Variants in DROSHA observed in about 807,000 individuals in gnomAD.
The protein encoded by DROSHA is ribonuclease 3.
In DROSHA, 56 loss-of-function variants were observed where a neutral mutation model predicts 181.9. The observed-to-expected ratio is 0.31, with a 90% CI of 0.25 to 0.38. The LOEUF (loss-of-function observed/expected upper bound fraction) is 0.38, where lower values mean the gene tolerates loss of function less well. DROSHA is among the 10% of genes least tolerant of loss of function. The pLI is 1.00. For missense variants in DROSHA, 1,218 were observed against 1,743.5 expected (o/e 0.70, Z 5.37); for synonymous variants, 524 against 591.2 (o/e 0.89, Z 1.65).
chr5:31,528,185 G>A (rs188594081), intron 4 of DROSHA, among the ~76,000 whole-genome samples: 64 of 152,214 alleles, frequency 4.2e-4, no homozygotes, highest in Admixed American at 1.2e-3. Context: ...CTTCCAAAGT[G>A]ATGCTACTCA....
At chr5:31,414,139 G>A (rs111340746) in intron 30 of DROSHA, among the ~76,000 whole-genome samples, 58 of 152,266 alleles carry the variant, frequency 3.8e-4, no homozygotes, top group African/African-American at 1.4e-3. Context: ...CAGGTGATGT[G>A]AAGAAGACTG....
At chr5:31,443,573 T>C (rs1472487082) in intron 23 of DROSHA, among the ~76,000 whole-genome samples, 1 of 152,172 alleles carries the variant, frequency 6.6e-6, no homozygotes, top group Non-Finnish European at 1.5e-5. Flanking sequence ...ATTTAGGTGG[T>C]TAAACAGTGA....
chr5:31,451,045 T>C (rs929141825), intron 21 of DROSHA, among the ~76,000 whole-genome samples: 2 of 152,024 alleles, frequency 1.3e-5, no homozygotes, highest in African/African-American at 4.8e-5. Flanking sequence ...CTACTAAAAA[T>C]ACCAAAATTA....
intron 18 of DROSHA, 51 bp downstream of exon 18, chr5:31,467,888 C>T: frequency 1.3e-6 from 2 of 1,589,824 alleles, no homozygotes; most frequent in Non-Finnish European, 1.7e-6. Context: ...GCTAATTTGG[C>T]TGTTAGTAGA....
chr5:31,524,840 G>C lies in DROSHA; in HGVS notation c.854+1239C>G, dbSNP rs1256125995. The stretch of plus-strand genomic sequence containing the variant: ...AAGAAATGTAATATAGAATGAAACA[G>C]TATTTTTAAAATACAACTTTCTTCA... On this transcript the variant is annotated intron_variant, in intron 5 of 35. Coordinates refer to ENST00000344624, the MANE Select transcript of DROSHA (RefSeq NM_001382508.1). Among the ~76,000 whole-genome samples the C allele has an allele frequency of 2.0e-5, 3 of 152,246 alleles. No homozygotes were observed. The East Asian group carries it at 5.8e-4, about 29-fold the overall frequency.
At chr5:31,471,439 GTTTTC>G (rs1378154026) in intron 17 of DROSHA, among the ~76,000 whole-genome samples, 2 of 151,796 alleles carry the variant, frequency 1.3e-5, no homozygotes, top group Admixed American at 6.6e-5. Flanking sequence ...ATAAGAACTA[GTTTTC>G]TTTTAATTAT....
At chr5:31,408,786 G>T in intron 33 of DROSHA, 1 of 323,726 alleles carries the variant, frequency 3.1e-6, no homozygotes, top group Non-Finnish European at 5.7e-6. Context: ...CATAATCTTA[G>T]TTGGTCTCCC....
At chr5:31,435,264 G>C (rs780425973) in intron 25 of DROSHA, among the ~76,000 whole-genome samples, 1 of 152,176 alleles carries the variant, frequency 6.6e-6, no homozygotes, top group Non-Finnish European at 1.5e-5. Context: ...GAGGCTAGGG[G>C]AACAGCCTAA....
intron 16 of DROSHA, among the ~76,000 whole-genome samples, chr5:31,472,830 T>G (rs1276049166): frequency 6.6e-6 from 1 of 152,178 alleles, no homozygotes; most frequent in Non-Finnish European, 1.5e-5. Flanking sequence ...AAAAACCAAG[T>G]GCTCTGAGGC....
intron 31 of DROSHA, among the ~76,000 whole-genome samples, chr5:31,410,076 A>G (rs922843110): frequency 1.4e-4 from 21 of 152,228 alleles, no homozygotes; most frequent in South Asian, 8.3e-4. Context: ...TTCCTTAGTC[A>G]GAATGCCTTT....
rs185838420 is a variant in DROSHA, at chr5:31,508,947, C to A, written c.1433-172G>T. ...AAGTGATTCTCCTGCCTTAGCCTCC[C>A]GAGTAGCTGGGATTACAGGCGCCTG... is the stretch of plus-strand genomic sequence containing the variant. On this transcript the variant is annotated intron_variant, in intron 9 of 35. Coordinates refer to ENST00000344624, the MANE Select transcript of DROSHA (RefSeq NM_001382508.1). 8.4e-3 allele frequency among the ~76,000 whole-genome samples: 1,278 copies of A among 152,092 alleles called. 10 individuals carry two copies. The highest frequency in any genetic ancestry group is 0.029 in the African/African-American group (1,187 of 41,472).
chr5:31,424,274 C>G lies in DROSHA; in HGVS notation c.3261+153G>C, dbSNP rs1358523524. ...TGCATGGGTTCATTCTCCTATTGTT[C>G]CAAAGTTTTCCAGGTCTGACACCTC... On this transcript the variant is annotated intron_variant, in intron 28 of 35. Transcript: ENST00000344624. Among the ~76,000 whole-genome samples the G allele has an allele frequency of 2.6e-5, 4 of 152,048 alleles. No individual in the cohort carries two copies. In the East Asian group the frequency reaches 7.7e-4, roughly 29 times the overall value.
chr5:31,511,912 C>G lies in DROSHA; in HGVS notation c.1291-736G>C, dbSNP rs555837453. ...AAGAAATATCCTATATATCCCCTCT[C>G]TCTCTCTCTCACACACACGCACACA... On this transcript the variant is annotated intron_variant, in intron 8 of 35. Transcript: ENST00000344624. 1.2e-4 allele frequency among the ~76,000 whole-genome samples: 18 copies of G among 148,674 alleles called. No homozygotes were observed. In the East Asian group the frequency reaches 3.3e-3, roughly 27 times the overall value.
In DROSHA at chr5:31,451,603, C is replaced by T. The variant is rs1466433904; in HGVS notation, c.2612G>A (p.Arg871His). ...CAAATGCATTAGGCATTGGTGGTAG[C>T]GGATATGATGGGTCAGAACAGGTAG... The part of the protein sequence containing the change: ...MMLPVLTHHI[R>H]YHQCLMHLDK... The change falls in exon 21 of 36, where the codon CGC becomes CAC. Residue 871 changes from arginine (R) to histidine (H), a missense_variant. Around this residue, in one of 8 missense-constraint regions of DROSHA, gnomAD observed 460 missense variants for 774.2 expected, o/e 0.59. Transcript: ENST00000344624. 8 of 1,612,332 alleles carry T rather than the reference C, an allele frequency of 5.0e-6. No individual in the cohort carries two copies. The Admixed American group carries it at 5.0e-5, about 10-fold the overall frequency.
intron 28 of DROSHA, among the ~76,000 whole-genome samples, chr5:31,423,606 G>C (rs1418518586): frequency 2.0e-5 from 3 of 152,180 alleles, no homozygotes; most frequent in Admixed American, 2.0e-4. Flanking sequence ...AATATGAAAA[G>C]TGTGATTAAA....
At chr5:31,465,086 C>T (rs1231586823) in intron 19 of DROSHA, among the ~76,000 whole-genome samples, 1 of 152,064 alleles carries the variant, frequency 6.6e-6, no homozygotes, top group Non-Finnish European at 1.5e-5. Flanking sequence ...CGGAGGAACA[C>T]TTCAGTCAGC....
intron 28 of DROSHA, 61 bp downstream of exon 28, chr5:31,424,366 G>A: frequency 3.9e-6 from 6 of 1,553,086 alleles, no homozygotes; most frequent in Non-Finnish European, 4.4e-6. Flanking sequence ...AAAAGGCAAA[G>A]GAAAGTAACA....
chr5:31,526,390 A>G lies in DROSHA; in HGVS notation c.543T>C (p.Ser181=), dbSNP rs760265902. Residue 181 remains serine (S), a synonymous_variant, in exon 5 of 36, where the codon AGT becomes AGC. Transcript: ENST00000344624. The part of the protein sequence containing the change: ...GYSHHNFPPP[S]FNSFQNNPSS... ...TAGGGTTGTTCTGGAAACTATTAAA[A>G]CTGGGAGGTGGGAAGTTGTGGTGAG... is the stretch of plus-strand genomic sequence containing the variant. 6 of 1,611,750 alleles carry G rather than the reference A, an allele frequency of 3.7e-6. No homozygotes were observed. In the African/African-American group the frequency reaches 8.1e-5, roughly 22 times the overall value.
In DROSHA at chr5:31,410,807, G is replaced by T. The variant is rs1373584513; in HGVS notation, c.3606C>A (p.Thr1202=). 1 of 1,613,844 alleles carries T rather than the reference G, an allele frequency of 6.2e-7. No individual in the cohort carries two copies. Among genetic ancestry groups the T allele is most frequent in the Non-Finnish European group, 8.5e-7 (1 of 1,179,844 alleles). ...EELGMQEYAI[T]NDKTKRPVAL... ...CCACAGGCCTCTTGGTCTTGTCGTT[G>T]GTTATGGCGTACTCCTGCATGCCCA... Residue 1202 remains threonine, a synonymous_variant, in exon 31 of 36, where the codon ACC becomes ACA. Transcript: ENST00000344624.
Sources: allele counts gnomAD v4.1 joint callset (sites outside exome capture counted in the v4.1 genomes callset), GRCh38; gene constraint gnomAD v4.1.1; regional missense constraint gnomAD v4.1.1; transcripts MANE v1.5; gene names NCBI Gene and HGNC (gene_info 2026-07-23, HGNC 2026-07-21).